The following PCDHGB2 variants were observed in gnomAD, a reference collection of about 807,000 sequenced individuals.
PCDHGB2 encodes protocadherin gamma-B2.
Under a neutral mutation model 59.3 loss-of-function variants are expected in PCDHGB2, and 55 were observed. That is an observed-to-expected ratio of 0.93 (90% CI 0.75 to 1.16). PCDHGB2 has a LOEUF of 1.16. Ranked by LOEUF, PCDHGB2 falls within the 50% of genes most tolerant of loss-of-function variation. The pLI is 0.00. For synonymous variants in PCDHGB2, 516 were observed against 512.0 expected (o/e 1.01, Z -0.11); for missense variants, 1,228 against 1,198.5 (o/e 1.02, Z -0.36).
chr5:141,449,484 A>G (rs1003440539), intron 1 of PCDHGB2, among the ~76,000 whole-genome samples: 2 of 150,848 alleles, frequency 1.3e-5, no homozygotes, highest in Non-Finnish European at 3.0e-5. Context: ...CCCCATGCCT[A>G]AGGGTGAGGC....
chr5:141,432,692 G>A lies in PCDHGB2; in HGVS notation c.2422-62115G>A. The A allele has an allele frequency of 6.2e-7, 1 of 1,613,964 alleles. No homozygotes were observed. Among genetic ancestry groups the A allele is most frequent in the Non-Finnish European group, 8.5e-7 (1 of 1,179,978 alleles). On this transcript the variant is annotated intron_variant, in intron 1 of 3. Transcript: ENST00000522605. The surrounding 1 kb of genome is among the most constrained non-coding windows in gnomAD (Gnocchi z 6.0). ...CGCGCTCAAGCAGAGCCTCGTAGTG[G>A]CCGTCCAGGACCACGGCCAGCCCCC...
chr5:141,505,803 C>A (rs920849273), intron 3 of PCDHGB2, among the ~76,000 whole-genome samples: 2 of 152,234 alleles, frequency 1.3e-5, no homozygotes, highest in African/African-American at 4.8e-5. Flanking sequence ...GGACTTGGAT[C>A]GACTTGCTCA....
intron 1 of PCDHGB2, among the ~76,000 whole-genome samples, chr5:141,448,086 T>TA (rs558292628): frequency 0.011 from 1,579 of 146,268 alleles, 11 homozygotes; most frequent in Non-Finnish European, 0.016. Context: ...AATGCCATCT[T>TA]AAAAAAAAAA....
intron 1 of PCDHGB2, chr5:141,403,018 G>A (rs752656852): frequency 9.3e-6 from 15 of 1,613,966 alleles, no homozygotes; most frequent in South Asian, 1.1e-5. Context: ...TCCTGGGGAT[G>A]CTATGGGAGG....
At chr5:141,480,085 A>G (rs2099512286) in intron 1 of PCDHGB2, among the ~76,000 whole-genome samples, 1 of 152,216 alleles carries the variant, frequency 6.6e-6, no homozygotes, top group Admixed American at 6.5e-5. Context: ...TGCATGATAT[A>G]ATGTATGCAA....
chr5:141,407,338 A>G (rs1016766073), intron 1 of PCDHGB2, among the ~76,000 whole-genome samples: 33 of 152,208 alleles, frequency 2.2e-4, no homozygotes, highest in Non-Finnish European at 1.8e-4. Context: ...ATTGAAATGT[A>G]TGTTAATTTG....
chr5:141,375,956 G>C, intron 1 of PCDHGB2: 1 of 1,613,506 alleles, frequency 6.2e-7, no homozygotes, highest in Non-Finnish European at 8.5e-7. Context: ...GCACACGGGC[G>C]AGGTGCGCAC....
At chr5:141,441,747 G>A in intron 1 of PCDHGB2, 2 of 372,470 alleles carry the variant, frequency 5.4e-6, no homozygotes, top group Non-Finnish European at 5.4e-6. Flanking sequence ...CGCGCTCGGC[G>A]TCAACGTGAG....
Position 141,361,471 on chromosome 5 carries a change from A to G in PCDHGB2, c.1336A>G (p.Asn446Asp), listed in dbSNP as rs748732304. The G allele has an allele frequency of 3.1e-6, 5 of 1,613,870 alleles. No individual in the cohort carries two copies. The South Asian group carries it at 3.3e-5, about 11-fold the overall frequency. Residue 446 changes from asparagine to aspartate, a missense_variant, in exon 1 of 4, where the codon AAC (asparagine) becomes GAC (aspartate). Physicochemically the swap from Asn to Asp is conservative, Grantham distance 23. Transcript: ENST00000522605. ...IIVTLHISDV[N>D]DNAPVFQQTS... ...TGTCACCCTGCACATCTCCGACGTC[A>G]ACGATAATGCCCCAGTTTTCCAACA...
chr5:141,399,611 T>A, intron 1 of PCDHGB2: 2 of 1,613,930 alleles, frequency 1.2e-6, no homozygotes, highest in Non-Finnish European at 1.7e-6. Flanking sequence ...CTAGAGCCTC[T>A]GGCACTGGCC....
chr5:141,511,351 C>T lies in PCDHGB2; in HGVS notation c.*178C>T. The T allele has an allele frequency of 3.6e-6, 5 of 1,386,550 alleles. No individual in the cohort carries two copies. Among genetic ancestry groups the T allele is most frequent in the South Asian group, 1.5e-5 (1 of 67,154 alleles). The allele number at this position is 1,386,550 out of a possible 1,614,324, so 85.9% of individuals were successfully genotyped here. On this transcript the variant is annotated 3_prime_UTR_variant, in exon 4 of 4. Transcript: ENST00000522605. ...CCAGTCAGCACCTACCCCTTCCCCC[C>T]CAGGGGGTTGAATATGCAAAAGCAG...
intron 1 of PCDHGB2, among the ~76,000 whole-genome samples, chr5:141,405,806 C>T (rs2094720612): frequency 6.8e-6 from 1 of 146,048 alleles, no homozygotes. Context: ...TTAGCTTTCT[C>T]TTTAACTGTC....
At chr5:141,505,344 AGCT>A in intron 2 of PCDHGB2, 46 bp from the exon 3 acceptor site, 1 of 1,613,046 alleles carries the variant, frequency 6.2e-7, no homozygotes, top group South Asian at 1.1e-5. Flanking sequence ...GAGGGGCATG[AGCT>A]GTGCCGGCCT....
rs936750924 is a variant in PCDHGB2, at chr5:141,418,950, T to A, written c.2421+56394T>A. On this transcript the variant is annotated intron_variant, in intron 1 of 3. Transcript: ENST00000522605. ...ATTATGGAGGATTCCCCTCCAGGAG[T>A]GGTTGTTGCCCTCTTCAAAACACGG... 23 of 1,613,742 alleles carry A rather than the reference T, an allele frequency of 1.4e-5. No individual in the cohort carries two copies. Among genetic ancestry groups the A allele is most frequent in the Non-Finnish European group, 1.9e-5 (23 of 1,179,860 alleles).
Position 141,432,427 on chromosome 5 carries a change from C to T in PCDHGB2, c.2422-62380C>T, listed in dbSNP as rs775150918. 2.2e-5 allele frequency: 36 copies of T among 1,614,124 alleles called. No homozygotes were observed. The highest frequency in any genetic ancestry group is 3.1e-5 in the Non-Finnish European group (36 of 1,180,044). ...TGAGCCTGTTCGTGCTGGACCAGAA[C>T]GACAATGCGCCCGAGATCCTGTACC... On this transcript the variant is annotated intron_variant, in intron 1 of 3. Transcript: ENST00000522605. This position sits in a 1 kb window ranked among gnomAD's most constrained non-coding sequence, Gnocchi z 6.0.
intron 1 of PCDHGB2, chr5:141,404,627 G>A: frequency 6.2e-7 from 1 of 1,614,144 alleles, no homozygotes; most frequent in Non-Finnish European, 8.5e-7. Context: ...GAATGACAAT[G>A]CCCCAGAAAT....
intron 2 of PCDHGB2, among the ~76,000 whole-genome samples, chr5:141,502,866 C>CTTTTTT (rs549047197): frequency 2.0e-4 from 26 of 128,026 alleles, no homozygotes; most frequent in African/African-American, 6.2e-4. Flanking sequence ...GACTCTCTGT[C>CTTTTTT]TTTTTTTTTT....
chr5:141,404,372 G>A (rs747130914), intron 1 of PCDHGB2: 7 of 1,613,844 alleles, frequency 4.3e-6, no homozygotes, highest in South Asian at 1.1e-5. Context: ...CATCTTCTCC[G>A]TGATTGCCTA....
At chr5:141,492,578 G>A (rs1380328678) in intron 1 of PCDHGB2, among the ~76,000 whole-genome samples, 1 of 152,216 alleles carries the variant, frequency 6.6e-6, no homozygotes, top group Non-Finnish European at 1.5e-5. Flanking sequence ...CGAGGCGCGG[G>A]GCCAGGAGCG....
Sources: allele counts gnomAD v4.1 joint callset (sites outside exome capture counted in the v4.1 genomes callset), GRCh38; gene constraint gnomAD v4.1.1; non-coding constraint Gnocchi (gnomAD v3.1); transcripts MANE v1.5; gene names NCBI Gene and HGNC (gene_info 2026-07-23, HGNC 2026-07-21).